Variants in LRBA observed in about 807,000 individuals in gnomAD.
LRBA encodes the protein LPS responsive beige-like anchor protein, also known as lipopolysaccharide-responsive and beige-like anchor protein.
LRBA carries 176 observed loss-of-function variants against 330.0 expected under a neutral mutation model. That is an observed-to-expected ratio of 0.53 (90% CI 0.47 to 0.60). The LOEUF (loss-of-function observed/expected upper bound fraction) is 0.60, where lower values mean the gene tolerates loss of function less well. LRBA is among the 20% of genes least tolerant of loss of function. The pLI is 0.00. For missense variants in LRBA, 3,259 were observed against 3,444.8 expected (o/e 0.95, Z 1.35); for synonymous variants, 1,230 against 1,193.0 (o/e 1.03, Z -0.64).
rs142546017 is a variant in LRBA, at chr4:150,828,375, C to T, written c.4976G>A (p.Gly1659Glu). Residue 1659 changes from glycine to glutamate, a missense_variant, in exon 30 of 57, where the codon GGA becomes GAA. Physicochemically the swap from Gly to Glu is moderately conservative, Grantham distance 98. Transcript: ENST00000651943. The part of the protein sequence containing the change: ...NKSPETKNDR[G>E]NDLDTKATPS... ...TGTAGCCTTAGTGTCCAAGTCATTT[C>T]CTCTATCATTTTTGGTTTCCGGAGA... is the stretch of plus-strand genomic sequence containing the variant. 18 of 1,613,974 alleles carry T rather than the reference C, an allele frequency of 1.1e-5. No homozygotes were observed. The highest frequency in any genetic ancestry group is 1.5e-5 in the Non-Finnish European group (18 of 1,179,948).
chr4:150,719,066 G>GCATAAGGATTCATGAAATAT (rs1728596823), intron 36 of LRBA, among the ~76,000 whole-genome samples: 1 of 152,008 alleles, frequency 6.6e-6, no homozygotes, highest in Non-Finnish European at 1.5e-5. Context: ...TACTGAAATA[G>GCATAAGGATTCATGAAATAT]CATAAGGATT....
At position 150,559,389 on chromosome 4, in the gene LRBA, C is replaced by A. The variant is rs374370748; in HGVS notation, c.6330+28659G>T. ...CATCCTGGCCAACATGGTGAAACCC[C>A]GTCTCTACTAAAAATACAAAAATTA... On this transcript the variant is annotated intron_variant, in intron 40 of 56. Coordinates refer to ENST00000651943, the MANE Select transcript of LRBA (RefSeq NM_001364905.1). Among the ~76,000 whole-genome samples the A allele has an allele frequency of 1.1e-3, 170 of 150,644 alleles. 2 individuals are homozygous for A. In the East Asian group the frequency reaches 0.027, roughly 24 times the overall value.
At chr4:150,711,237 A>AT (rs111721711) in intron 36 of LRBA, among the ~76,000 whole-genome samples, 5,683 of 143,064 alleles carry the variant, frequency 0.04, 169 homozygotes, top group Admixed American at 0.073. Context: ...TAAGAAGTTA[A>AT]TTTTTTTTTT....
At chr4:150,903,656 C>T (rs1382818929) in intron 13 of LRBA, among the ~76,000 whole-genome samples, 1 of 152,122 alleles carries the variant, frequency 6.6e-6, no homozygotes, top group Non-Finnish European at 1.5e-5. Flanking sequence ...GGGAGGATCA[C>T]CTGAGCTGGG....
intron 33 of LRBA, among the ~76,000 whole-genome samples, chr4:150,798,642 C>A (rs904279563): frequency 6.6e-6 from 1 of 152,284 alleles, no homozygotes; most frequent in Admixed American, 6.5e-5. Context: ...TAAACCTTAA[C>A]AGAAATGCAA....
At chr4:150,936,215 T>C (rs867260189) in intron 2 of LRBA, among the ~76,000 whole-genome samples, 1 of 152,062 alleles carries the variant, frequency 6.6e-6, no homozygotes, top group African/African-American at 2.4e-5. Context: ...TAACTAAACA[T>C]ATAATTGTGT....
chr4:150,904,611 T>C (rs1731113646), intron 13 of LRBA, among the ~76,000 whole-genome samples: 1 of 151,974 alleles, frequency 6.6e-6, no homozygotes, highest in Non-Finnish European at 1.5e-5. Flanking sequence ...GCCTTACAAA[T>C]ATGCTGATTA....
intron 40 of LRBA, among the ~76,000 whole-genome samples, chr4:150,587,403 C>A (rs1166716740): frequency 2.0e-5 from 3 of 152,122 alleles, no homozygotes; most frequent in African/African-American, 7.2e-5. Context: ...TTATACCATT[C>A]TTTTTCTTGA....
intron 2 of LRBA, among the ~76,000 whole-genome samples, chr4:150,940,988 T>A (rs1425037950): frequency 6.6e-6 from 1 of 152,098 alleles, no homozygotes; most frequent in Non-Finnish European, 1.5e-5. Context: ...GTGTATCTAC[T>A]GACTCCTCAT....
At chr4:150,861,727 A>G (rs1045424172) in intron 22 of LRBA, among the ~76,000 whole-genome samples, 46 of 152,170 alleles carry the variant, frequency 3.0e-4, no homozygotes, top group African/African-American at 1.1e-3. Context: ...GCTTACTGTA[A>G]CATTTTAACT....
At chr4:150,842,416 T>C (rs1322985968) in intron 28 of LRBA, among the ~76,000 whole-genome samples, 1 of 152,176 alleles carries the variant, frequency 6.6e-6, no homozygotes, top group Non-Finnish European at 1.5e-5. Context: ...GCCTCCCAAG[T>C]AGCTAGGACT....
At chr4:150,837,075 G>T (rs536784169) in intron 28 of LRBA, among the ~76,000 whole-genome samples, 2 of 152,288 alleles carry the variant, frequency 1.3e-5, no homozygotes, top group South Asian at 4.2e-4. Context: ...TCAGGAGCAG[G>T]TTGCTCAGTT....
At chr4:150,670,800 C>A (rs1781982876) in intron 37 of LRBA, among the ~76,000 whole-genome samples, 2 of 152,164 alleles carry the variant, frequency 1.3e-5, no homozygotes, top group Non-Finnish European at 2.9e-5. Context: ...AGAGTTTCCT[C>A]TCCTTATTTG....
intron 48 of LRBA, among the ~76,000 whole-genome samples, chr4:150,334,325 G>T (rs1581039695): frequency 6.6e-6 from 1 of 152,042 alleles, no homozygotes; most frequent in Non-Finnish European, 1.5e-5. Flanking sequence ...TATTTTCAAT[G>T]AAATTTGCAA....
intron 26 of LRBA, among the ~76,000 whole-genome samples, chr4:150,847,081 G>T (rs1172966191): frequency 1.3e-5 from 2 of 152,084 alleles, no homozygotes; most frequent in Admixed American, 1.3e-4. Flanking sequence ...GATTAAAGAA[G>T]TATACTACAA....
chr4:150,337,674 T>C (rs993347808), intron 48 of LRBA, among the ~76,000 whole-genome samples: 1 of 152,144 alleles, frequency 6.6e-6, no homozygotes, highest in African/African-American at 2.4e-5. Context: ...TCATGATTAT[T>C]TCTATAACAC....
At position 150,899,977 on chromosome 4, in the gene LRBA, G is replaced by A. The variant is rs1003041567; in HGVS notation, c.1924+72C>T. ...ACTGCCCAAATATATGATAGTACTG[G>A]TTAAAACAAAAAGAAAAATTAAATC... On this transcript the variant is annotated intron_variant, in intron 14 of 56. Coordinates refer to ENST00000651943, the MANE Select transcript of LRBA (RefSeq NM_001364905.1). 4.0e-6 allele frequency: 5 copies of A among 1,236,414 alleles called. No homozygotes were observed. In the East Asian group the frequency reaches 9.7e-5, roughly 24 times the overall value. 76.6% of individuals were successfully genotyped at this position (1,236,414 alleles called of 1,614,324 possible). A position where few individuals can be genotyped will look rare whatever the true frequency, so the allele number is the denominator to read the frequency against.
At chr4:150,996,011 G>A (rs887060896) in intron 2 of LRBA, among the ~76,000 whole-genome samples, 13 of 150,718 alleles carry the variant, frequency 8.6e-5, no homozygotes, top group Non-Finnish European at 1.6e-4. Flanking sequence ...TGTGAGCAAG[G>A]TAGAAATGAA....
intron 40 of LRBA, among the ~76,000 whole-genome samples, chr4:150,507,480 G>A (rs1761250681): frequency 6.8e-6 from 1 of 146,112 alleles, no homozygotes; most frequent in South Asian, 2.1e-4. Context: ...AATGAGGAAA[G>A]GATTCCTTAT....
Sources: gnomAD v4.1 joint callset for allele counts (sites outside exome capture counted in the v4.1 genomes callset) on GRCh38, gnomAD v4.1.1 for gene constraint, MANE v1.5 for transcripts, NCBI Gene and HGNC (gene_info 2026-07-23, HGNC 2026-07-21) for gene names.